Variants in LEO1 observed in about 807,000 individuals in gnomAD.
The protein encoded by LEO1 is LEO1 component of Paf1/RNA polymerase II complex.
A neutral mutation model predicts 80.4 loss-of-function variants in LEO1; 34 were observed. The ratio of observed to expected loss-of-function variants is 0.42; its 90% confidence interval spans 0.32 to 0.56. LEO1 has a LOEUF of 0.56. LEO1 is among the 20% of genes least tolerant of loss of function. LEO1 has a pLI of 0.10. For synonymous variants in LEO1, 262 were observed against 274.9 expected, an observed-to-expected ratio of 0.95 and a Z score of 0.46; for missense variants, 631 against 814.2, an observed-to-expected ratio of 0.77 and a Z score of 2.74.
At chr15:51,951,185 G>C (rs1333100049) in intron 9 of LEO1, among the ~76,000 whole-genome samples, 1 of 152,196 alleles carries the variant, frequency 6.6e-6, no homozygotes, top group Non-Finnish European at 1.5e-5. Flanking sequence ...GAGGCAGGGT[G>C]GGCAAAGGCC....
chr15:51,953,598 C>T (rs1455980774), intron 7 of LEO1, among the ~76,000 whole-genome samples: 20 of 151,324 alleles, frequency 1.3e-4, no homozygotes, highest in Admixed American at 1.2e-3. Flanking sequence ...CCAGCCTGGG[C>T]GACAGGACAA....
At position 51,966,263 on chromosome 15, in the gene LEO1, G is replaced by T. The variant is rs768570522; in HGVS notation, c.300C>A (p.Asp100Glu). The T allele has an allele frequency of 6.2e-7, 1 of 1,613,920 alleles. No homozygotes were observed. The highest frequency in any genetic ancestry group is 8.5e-7 in the Non-Finnish European group (1 of 1,179,946). ...CACTGTGCTGATCTACATCTGAGGG[G>T]TCATTGTCCTCATGGTCAGAACGCT... ...ASERSDHEDN[D>E]PSDVDQHSGS... The change falls in exon 2 of 12, where the codon GAC becomes GAA. Residue 100 changes from aspartate to glutamate, a missense_variant. By Grantham distance (45) the Asp-to-Glu change is conservative. Coordinates refer to ENST00000299601, the MANE Select transcript of LEO1 (RefSeq NM_138792.4).
At chr15:51,959,737 T>C (rs532802951) in intron 5 of LEO1, among the ~76,000 whole-genome samples, 162 bp downstream of exon 5, 2 of 152,330 alleles carry the variant, frequency 1.3e-5, no homozygotes, top group South Asian at 4.2e-4. Context: ...CCCTTACTAA[T>C]ACATATTTTT....
intron 11 of LEO1, among the ~76,000 whole-genome samples, chr15:51,941,963 T>G (rs2056856559): frequency 6.6e-6 from 1 of 152,234 alleles, no homozygotes; most frequent in Non-Finnish European, 1.5e-5. Context: ...CAGTTCACTC[T>G]AATATAGACT....
chr15:51,962,699 T>A (rs552330845), intron 2 of LEO1, among the ~76,000 whole-genome samples: 1 of 152,184 alleles, frequency 6.6e-6, no homozygotes, highest in African/African-American at 2.4e-5. Context: ...AAAGACTACA[T>A]ACTTACTGTA....
rs535522424 is a variant in LEO1, at chr15:51,938,573, C to G, written c.1897-313G>C. ...TTTTTACCATGATCAGGTAATTTCT[C>G]AAATTTTTTTTCTCTGCCTCCTCAG... On this transcript the variant is annotated intron_variant, in intron 11 of 11. Transcript: ENST00000299601. Among the ~76,000 whole-genome samples, 12 of 152,314 alleles carry G rather than the reference C, an allele frequency of 7.9e-5. No individual in the cohort carries two copies. The East Asian group carries it at 2.3e-3, about 29-fold the overall frequency.
At position 51,968,270 on chromosome 15, in the gene LEO1, C is replaced by T. The variant is rs138250971; in HGVS notation, c.59-1766G>A. ...GACAATAAAATCTTTTGGCTGGGTG[C>T]GGTGGCTCATGCCTGTAATCTCAGC... On this transcript the variant is annotated intron_variant, in intron 1 of 11. Transcript: ENST00000299601. 1.4e-4 allele frequency among the ~76,000 whole-genome samples: 21 copies of T among 152,120 alleles called. No homozygotes were observed. In the East Asian group the frequency reaches 1.5e-3, roughly 11 times the overall value.
chr15:51,959,981 C>G lies in LEO1; in HGVS notation c.1078G>C (p.Val360Leu). ...EEPIPETRIE[V>L]EIPKVNTDLG... Reference sequence around the variant, plus strand: ...TCAGTGTTTACTTTGGGTATTTCTACTTCTATTCTGGTCTCAGGAATTGGC... The same window carrying G: ...TCAGTGTTTACTTTGGGTATTTCTAGTTCTATTCTGGTCTCAGGAATTGGC... Residue 360 changes from valine to leucine, a missense_variant, in exon 5 of 12, where the codon GTA becomes CTA. Around this residue, in one of 4 missense-constraint regions of LEO1, gnomAD observed 95 missense variants for 171.7 expected, o/e 0.55. Coordinates refer to ENST00000299601, the MANE Select transcript of LEO1 (RefSeq NM_138792.4). The G allele has an allele frequency of 6.2e-7, 1 of 1,613,504 alleles. No homozygotes were observed. The highest frequency in any genetic ancestry group is 2.2e-5 in the East Asian group (1 of 44,840).
At chr15:51,939,333 T>G (rs2056828190) in intron 11 of LEO1, among the ~76,000 whole-genome samples, 1 of 152,230 alleles carries the variant, frequency 6.6e-6, no homozygotes, top group Non-Finnish European at 1.5e-5. Context: ...CACTTTTTTC[T>G]GATGGTTCTC....
At chr15:51,971,577 G>A (rs1428569001) in intron 1 of LEO1, 111 bp downstream of exon 1, 10 of 1,052,310 alleles carry the variant, frequency 9.5e-6, no homozygotes, top group African/African-American at 1.6e-5. Context: ...GCTGAGGCAG[G>A]AGTGGAGGAA....
chr15:51,969,604 G>A (rs1253076701), intron 1 of LEO1, among the ~76,000 whole-genome samples: 1 of 151,894 alleles, frequency 6.6e-6, no homozygotes, highest in Non-Finnish European at 1.5e-5. Flanking sequence ...CACTTTGAGA[G>A]GCCGAGGCAG....
intron 6 of LEO1, among the ~76,000 whole-genome samples, chr15:51,955,766 C>G (rs2056984327): frequency 6.6e-6 from 1 of 152,218 alleles, no homozygotes; most frequent in African/African-American, 2.4e-5. Flanking sequence ...CCTTTAGCTG[C>G]AAATGTCTGT....
chr15:51,941,615 C>T (rs2056853204), intron 11 of LEO1, among the ~76,000 whole-genome samples: 1 of 152,192 alleles, frequency 6.6e-6, no homozygotes, highest in Non-Finnish European at 1.5e-5. Flanking sequence ...AACAGAGTAC[C>T]GGCACACACT....
chr15:51,954,467 C>T lies in LEO1; in HGVS notation c.1340+14G>A, dbSNP rs77473166. ...TCTGGGTATGTCAATACCCTTCAGGCGTTTTGTGCTCACCTTCCATCTGAC... is the reference window on the plus strand; with the variant it reads ...TCTGGGTATGTCAATACCCTTCAGGTGTTTTGTGCTCACCTTCCATCTGAC... On this transcript the variant is annotated intron_variant, in intron 7 of 11. Transcript: ENST00000299601. 739 of 1,549,242 alleles carry T rather than the reference C, an allele frequency of 4.8e-4. 1 individual carries two copies. The African/African-American group carries it at 9.0e-3, about 19-fold the overall frequency.
chr15:51,971,611 TG>T, intron 1 of LEO1, 76 bp downstream of exon 1: 1 of 1,469,296 alleles, frequency 6.8e-7, no homozygotes, highest in Non-Finnish European at 9.5e-7. Flanking sequence ...CCCGCGGCGC[TG>T]GAGCCTCCAC....
At chr15:51,967,270 C>T (rs141119705) in intron 1 of LEO1, among the ~76,000 whole-genome samples, 2,307 of 152,216 alleles carry the variant, frequency 0.015, 67 homozygotes, top group East Asian at 0.074. Flanking sequence ...GTCAGGAGTT[C>T]GAGACCAGGC....
At chr15:51,952,076 T>C (rs2056953738) in intron 8 of LEO1, 97 bp from the exon 9 acceptor site, 2 of 1,069,574 alleles carry the variant, frequency 1.9e-6, no homozygotes, top group East Asian at 5.2e-5. Flanking sequence ...AGTGACCATT[T>C]CCTAGTCACC....
intron 2 of LEO1, 116 bp from the exon 3 acceptor site, chr15:51,962,609 A>T: frequency 1.5e-6 from 1 of 661,770 alleles, no homozygotes; most frequent in Non-Finnish European, 2.6e-6. Context: ...ACTCAGCAAT[A>T]AAGAGGAATG....
At position 51,954,562 on chromosome 15, in the gene LEO1, A is replaced by G; in HGVS notation, c.1259T>C (p.Ile420Thr). 1 of 1,609,430 alleles carries G rather than the reference A, an allele frequency of 6.2e-7. No individual in the cohort carries two copies. Among genetic ancestry groups the G allele is most frequent in the Non-Finnish European group, 8.5e-7 (1 of 1,175,980 alleles). Residue 420 changes from isoleucine to threonine, a missense_variant, in exon 7 of 12, where the codon ATA becomes ACA. Transcript: ENST00000299601. ...TRLKLKVENT[I>T]RWRIRRDEEG... Reference sequence around the variant, plus strand: ...TTCATCTCGGCGTATCCTCCATCTTATAGTATTTTCTACCTGTTTCACAAC... The same window carrying G: ...TTCATCTCGGCGTATCCTCCATCTTGTAGTATTTTCTACCTGTTTCACAAC...
Sources: gnomAD v4.1 joint callset for allele counts (sites outside exome capture counted in the v4.1 genomes callset) on GRCh38, gnomAD v4.1.1 for gene constraint, gnomAD v4.1.1 regional missense constraint, MANE v1.5 for transcripts, NCBI Gene and HGNC (gene_info 2026-07-23, HGNC 2026-07-21) for gene names.